PRUNE2: variants seen among roughly 807,000 people sequenced by gnomAD.
The protein encoded by PRUNE2 is protein prune homolog 2.
In PRUNE2, 164 loss-of-function variants were observed where a neutral mutation model predicts 252.0. That is an observed-to-expected ratio of 0.65 (90% CI 0.57 to 0.74). The LOEUF (loss-of-function observed/expected upper bound fraction) is 0.74. Ranked by LOEUF, PRUNE2 falls within the 30% of genes least tolerant of loss-of-function variation. The probability of loss-of-function intolerance (pLI) is 0.00; values close to 1 mark genes in which losing one functional copy is unlikely to be tolerated. For synonymous variants in PRUNE2, 1,292 were observed against 1,350.2 expected, an observed-to-expected ratio of 0.96 and a Z score of 0.94; for missense variants, 3,495 against 3,711.0, an observed-to-expected ratio of 0.94 and a Z score of 1.51.
chr9:76,711,503 G>A lies in PRUNE2; in HGVS notation c.916-145C>T, dbSNP rs539778628. On this transcript the variant is annotated intron_variant, in intron 7 of 18. Coordinates refer to ENST00000376718, the MANE Select transcript of PRUNE2 (RefSeq NM_015225.3). ...AAAAAGAAGATCTCAAACTTAGAAA[G>A]TTCTGATTACTGTACCACCAACCCT... is the stretch of plus-strand genomic sequence containing the variant. The A allele has an allele frequency of 8.3e-5, 51 of 616,426 alleles. No homozygotes were observed. The South Asian group carries it at 1.1e-3, about 14-fold the overall frequency. 38.2% of individuals were successfully genotyped at this position (616,426 alleles called of 1,614,324 possible).
At chr9:76,863,535 T>C (rs953051337) in intron 1 of PRUNE2, among the ~76,000 whole-genome samples, 1 of 152,204 alleles carries the variant, frequency 6.6e-6, no homozygotes, top group Admixed American at 6.5e-5. Flanking sequence ...TAAAAAACTA[T>C]TTTGTTTTCT....
intron 1 of PRUNE2, among the ~76,000 whole-genome samples, chr9:76,891,004 A>G (rs937696007): frequency 6.6e-6 from 1 of 152,228 alleles, no homozygotes; most frequent in African/African-American, 2.4e-5. Context: ...ATCTTTGCGC[A>G]TATTGGCTTT....
intron 8 of PRUNE2, 110 bp from the exon 9 acceptor site, chr9:76,704,209 T>C (rs1200228550): frequency 2.2e-6 from 1 of 463,236 alleles, no homozygotes; most frequent in Non-Finnish European, 3.1e-6. Context: ...TAATATTTTT[T>C]ATATATTTTA....
intron 6 of PRUNE2, among the ~76,000 whole-genome samples, chr9:76,714,724 G>A (rs1203406586): frequency 2.0e-5 from 3 of 152,220 alleles, no homozygotes; most frequent in South Asian, 2.1e-4. Context: ...ACTACAATGA[G>A]AGCCACTTTC....
intron 4 of PRUNE2, among the ~76,000 whole-genome samples, chr9:76,840,544 A>G (rs561846608): frequency 1.3e-5 from 2 of 152,242 alleles, no homozygotes; most frequent in Non-Finnish European, 2.9e-5. Context: ...AGGTCTAATT[A>G]TGATGCTTTT....
chr9:76,766,824 T>C (rs1313595232), intron 6 of PRUNE2, among the ~76,000 whole-genome samples: 1 of 152,220 alleles, frequency 6.6e-6, no homozygotes, highest in African/African-American at 2.4e-5. Context: ...CTGTGAGGGC[T>C]TTCTCTCCAA....
At chr9:76,753,583 C>T (rs908641948) in intron 6 of PRUNE2, among the ~76,000 whole-genome samples, 1 of 152,064 alleles carries the variant, frequency 6.6e-6, no homozygotes, top group African/African-American at 2.4e-5. Flanking sequence ...CCTGCCAGTG[C>T]TCACCTCTCC....
In PRUNE2 at chr9:76,710,360, T is replaced by G; in HGVS notation, c.1914A>C (p.Ala638=). 1 of 1,614,010 alleles carries G rather than the reference T, an allele frequency of 6.2e-7. No individual in the cohort carries two copies. The highest frequency in any genetic ancestry group is 8.5e-7 in the Non-Finnish European group (1 of 1,179,884). Residue 638 remains alanine, a synonymous_variant, in exon 8 of 19, where the codon GCA becomes GCC. Transcript: ENST00000376718. The part of the protein sequence containing the change: ...SLYTEDMTQK[A]TDTGHMGPPQ... The stretch of plus-strand genomic sequence containing the variant: ...GTGGCCCCATGTGACCTGTGTCAGT[T>G]GCTTTTTGGGTCATATCTTCTGTAT...
intron 18 of PRUNE2, chr9:76,615,130 G>C: frequency 1.0e-6 from 1 of 985,554 alleles, no homozygotes; most frequent in Non-Finnish European, 1.2e-6. Flanking sequence ...CTAAAGAAAA[G>C]CTTGTTTTTC....
At chr9:76,738,183 G>C (rs1420341244) in intron 6 of PRUNE2, 1 of 151,992 alleles carries the variant, frequency 6.6e-6, no homozygotes, top group Non-Finnish European at 1.5e-5. Context: ...CATTCTACCA[G>C]GTAAGGAGAA....
chr9:76,677,534 C>T (rs2042816725), intron 9 of PRUNE2, among the ~76,000 whole-genome samples: 1 of 152,240 alleles, frequency 6.6e-6, no homozygotes. Flanking sequence ...GCTGAGGGCG[C>T]TGCTGGCAGC....
chr9:76,681,694 T>C (rs2043456585), intron 9 of PRUNE2, among the ~76,000 whole-genome samples: 1 of 152,252 alleles, frequency 6.6e-6, no homozygotes, highest in South Asian at 2.1e-4. Flanking sequence ...TTTTTACCCC[T>C]GAACCACCAG....
At chr9:76,644,655 CG>C in intron 12 of PRUNE2, 83 bp downstream of exon 12, 1 of 1,302,860 alleles carries the variant, frequency 7.7e-7, no homozygotes, top group Admixed American at 1.7e-5. Context: ...TGTCATGTTC[CG>C]GAGAAGTCTA....
At chr9:76,776,336 T>G (rs1199516085) in intron 6 of PRUNE2, among the ~76,000 whole-genome samples, 1 of 151,390 alleles carries the variant, frequency 6.6e-6, no homozygotes. Context: ...TCACTCTCTG[T>G]GTCCATGTGT....
chr9:76,853,728 C>T lies in PRUNE2; in HGVS notation c.141+376G>A, dbSNP rs139671395. Reference sequence around the variant, plus strand: ...GTTATTCTGCACGTATTTTTCTGCTCCCAAGGGCAGGACTATCAGCAAGGA... The same window carrying T: ...GTTATTCTGCACGTATTTTTCTGCTTCCAAGGGCAGGACTATCAGCAAGGA... On this transcript the variant is annotated intron_variant, in intron 2 of 18. Coordinates refer to ENST00000376718, the MANE Select transcript of PRUNE2 (RefSeq NM_015225.3). Among the ~76,000 whole-genome samples the T allele has an allele frequency of 5.3e-4, 80 of 152,326 alleles. 1 individual carries two copies. The highest frequency in any genetic ancestry group is 3.4e-3 in the Middle Eastern group (1 of 294).
At chr9:76,725,905 A>G (rs1235980769) in intron 6 of PRUNE2, among the ~76,000 whole-genome samples, 1 of 152,242 alleles carries the variant, frequency 6.6e-6, no homozygotes, top group Non-Finnish European at 1.5e-5. Flanking sequence ...CAGAAACTTA[A>G]CTGTAACTGA....
Position 76,624,421 on chromosome 9 carries a change from T to C in PRUNE2, c.9188+31A>G, listed in dbSNP as rs924823037. On this transcript the variant is annotated intron_variant, in intron 17 of 18. Coordinates refer to ENST00000376718, the MANE Select transcript of PRUNE2 (RefSeq NM_015225.3). ...AGTTCTGAAATGCAAGCCAACATCA[T>C]GCCAGCCGCTAAACGAAAACCAAGT... 8 of 1,387,598 alleles carry C rather than the reference T, an allele frequency of 5.8e-6. No homozygotes were observed. The South Asian group carries it at 9.6e-5, about 17-fold the overall frequency. 86.0% of individuals were successfully genotyped at this position (1,387,598 alleles called of 1,614,324 possible).
chr9:76,632,307 A>C (rs1182587819), intron 15 of PRUNE2, among the ~76,000 whole-genome samples: 3 of 152,224 alleles, frequency 2.0e-5, no homozygotes, highest in Admixed American at 1.3e-4. Context: ...GACCTATAAT[A>C]CATTTTAGTG....
intron 6 of PRUNE2, among the ~76,000 whole-genome samples, chr9:76,742,522 G>A (rs2049729973): frequency 6.6e-6 from 1 of 152,024 alleles, no homozygotes; most frequent in African/African-American, 2.4e-5. Flanking sequence ...GGAGGCTGAG[G>A]TAGGAGCATT....
Sources: gnomAD v4.1 joint callset for allele counts (sites outside exome capture counted in the v4.1 genomes callset) on GRCh38, gnomAD v4.1.1 for gene constraint, MANE v1.5 for transcripts, NCBI Gene and HGNC (gene_info 2026-07-23, HGNC 2026-07-21) for gene names.